MAPK10: variants seen among roughly 807,000 people sequenced by gnomAD.
MAPK10 encodes the protein JNK3 alpha protein kinase.
A neutral mutation model predicts 59.3 loss-of-function variants in MAPK10; 25 were observed. The ratio of observed to expected loss-of-function variants is 0.42; its 90% CI spans 0.31 to 0.59. The LOEUF is 0.59. MAPK10 is among the 20% of genes least tolerant of loss of function. The probability of loss-of-function intolerance (pLI) is 0.15; values close to 1 mark genes in which losing one functional copy is unlikely to be tolerated. For synonymous variants in MAPK10, 190 were observed against 200.5 expected, an observed-to-expected ratio of 0.95 and a Z score of 0.44; for missense variants, 351 against 568.9, an observed-to-expected ratio of 0.62 and a Z score of 3.90.
At position 86,075,660 on chromosome 4, in the gene MAPK10, G is replaced by A. The variant is rs566956959; in HGVS notation, c.803-7705C>T. 6.7e-4 allele frequency among the ~76,000 whole-genome samples: 102 copies of A among 151,938 alleles called. 1 individual carries two copies. Among genetic ancestry groups the A allele is most frequent in the Non-Finnish European group, 1.1e-3 (75 of 68,004 alleles). ...CTGTTGGAATACCCTGCTGTGTGAGGTGGCAGTGTGCCCCTGCTGGGGGAT... is the reference window on the plus strand; with the variant it reads ...CTGTTGGAATACCCTGCTGTGTGAGATGGCAGTGTGCCCCTGCTGGGGGAT... On this transcript the variant is annotated intron_variant, in intron 9 of 13. Transcript: ENST00000641462.
chr4:86,533,321 T>C (rs1262992212), intron 1 of MAPK10, among the ~76,000 whole-genome samples: 1 of 152,104 alleles, frequency 6.6e-6, no homozygotes, highest in African/African-American at 2.4e-5. Context: ...GTTCTGGAGA[T>C]GGATAGCAGT....
intron 1 of MAPK10, among the ~76,000 whole-genome samples, chr4:86,401,158 GAGTC>G (rs1351000807): frequency 6.6e-6 from 1 of 152,070 alleles, no homozygotes; most frequent in Admixed American, 6.6e-5. Context: ...ACTAAATTTT[GAGTC>G]AAAACACAAT....
intron 13 of MAPK10, chr4:86,020,983 A>T (rs1286996002): frequency 6.6e-6 from 1 of 152,116 alleles, no homozygotes. Context: ...CATCCTGCTG[A>T]TTGGTAGAGC....
At chr4:86,444,139 C>T (rs989529095) in intron 1 of MAPK10, among the ~76,000 whole-genome samples, 3 of 151,630 alleles carry the variant, frequency 2.0e-5, no homozygotes, top group East Asian at 1.9e-4. Flanking sequence ...AATAAGAAAG[C>T]GAGAAAGCAA....
intron 1 of MAPK10, among the ~76,000 whole-genome samples, chr4:86,409,284 G>A (rs184745288): frequency 2.6e-5 from 4 of 152,314 alleles, no homozygotes; most frequent in Non-Finnish European, 4.4e-5. Context: ...CAAGTACCAT[G>A]CTGTTTTGGT....
intron 2 of MAPK10, among the ~76,000 whole-genome samples, chr4:86,200,525 A>C (rs1159440998): frequency 6.6e-6 from 1 of 151,956 alleles, no homozygotes; most frequent in East Asian, 1.9e-4. Flanking sequence ...ACAAAAATGT[A>C]CCATAGCTTG....
At chr4:86,379,600 A>T (rs995692439) in intron 1 of MAPK10, among the ~76,000 whole-genome samples, 10 of 152,210 alleles carry the variant, frequency 6.6e-5, no homozygotes, top group Non-Finnish European at 1.5e-4. Context: ...AGGCATTCTT[A>T]AACCACAAAC....
chr4:86,231,474 T>C (rs1219882942), intron 2 of MAPK10, among the ~76,000 whole-genome samples: 1 of 151,588 alleles, frequency 6.6e-6, no homozygotes, highest in Non-Finnish European at 1.5e-5. Context: ...GCCAACATGA[T>C]GAAACCCCGT....
rs1741370529 is a variant in MAPK10 at position 86,010,785 on chromosome 4, G to A, written c.*6443C>T. 6.6e-6 allele frequency: 1 copy of A among 152,200 alleles called. No homozygotes were observed. The highest frequency in any genetic ancestry group is 2.4e-5 in the African/African-American group (1 of 41,458). The allele number at this position is 152,200 out of a possible 1,614,324, so 9.4% of individuals were successfully genotyped here. A position where few individuals can be genotyped will look rare whatever the true frequency, so the allele number is the denominator to read the frequency against. ...GATGGGTTCACAAGTGTTAATGGAA[G>A]GCGAATTATGTGTGGGACAGTCTTC... On this transcript the variant is annotated 3_prime_UTR_variant, in exon 14 of 14. Transcript: ENST00000641462.
intron 2 of MAPK10, among the ~76,000 whole-genome samples, chr4:86,333,887 C>T (rs562605732): frequency 1.3e-5 from 2 of 152,208 alleles, no homozygotes; most frequent in South Asian, 2.1e-4. Context: ...TATGTTTTAA[C>T]TTTTACCACT....
chr4:86,142,259 G>A (rs1359861243), intron 4 of MAPK10, among the ~76,000 whole-genome samples: 5 of 152,182 alleles, frequency 3.3e-5, no homozygotes, highest in Non-Finnish European at 5.9e-5. Context: ...GTATGCTAAT[G>A]TTTATGCATC....
intron 2 of MAPK10, among the ~76,000 whole-genome samples, chr4:86,217,307 A>G (rs12331353): frequency 0.053 from 8,028 of 152,270 alleles, 574 homozygotes; most frequent in African/African-American, 0.16. Flanking sequence ...GAATTGTATT[A>G]ATATAGAGAA....
intron 1 of MAPK10, among the ~76,000 whole-genome samples, chr4:86,551,694 T>C: frequency 6.6e-6 from 1 of 152,016 alleles, no homozygotes; most frequent in Non-Finnish European, 1.5e-5. Flanking sequence ...AACCTCCACC[T>C]CCCAGGTTCA....
intron 4 of MAPK10, among the ~76,000 whole-genome samples, chr4:86,144,790 C>T (rs2064471402): frequency 1.3e-5 from 2 of 152,012 alleles, no homozygotes; most frequent in South Asian, 4.2e-4. Context: ...ATAATTATTG[C>T]CTTGAGTAAT....
chr4:86,294,952 T>C (rs1333162153), intron 2 of MAPK10, among the ~76,000 whole-genome samples: 1 of 152,124 alleles, frequency 6.6e-6, no homozygotes, highest in African/African-American at 2.4e-5. Context: ...ATAGAGTTTG[T>C]CATCTCACCA....
intron 1 of MAPK10, among the ~76,000 whole-genome samples, chr4:86,483,177 C>T (rs1310774642): frequency 6.6e-6 from 1 of 152,158 alleles, no homozygotes; most frequent in Non-Finnish European, 1.5e-5. Flanking sequence ...AACCGTACCC[C>T]TCTAAAAGGA....
intron 1 of MAPK10, among the ~76,000 whole-genome samples, chr4:86,460,821 A>G (rs1425391051): frequency 6.6e-6 from 1 of 152,192 alleles, no homozygotes; most frequent in Admixed American, 6.5e-5. Flanking sequence ...TCCGGTAAGG[A>G]ATACTTTTAG....
chr4:86,131,856 G>A, intron 4 of MAPK10, among the ~76,000 whole-genome samples: 1 of 152,060 alleles, frequency 6.6e-6, no homozygotes, highest in East Asian at 1.9e-4. Flanking sequence ...GAAACACTGA[G>A]AAAACACAGC....
At chr4:86,075,502 GT>G (rs1044299635) in intron 9 of MAPK10, among the ~76,000 whole-genome samples, 9 of 152,108 alleles carry the variant, frequency 5.9e-5, no homozygotes, top group Admixed American at 3.3e-4. Flanking sequence ...TTTCTGTTCT[GT>G]TTTTTCCCCA....
Sources: gnomAD v4.1 joint callset for allele counts (sites outside exome capture counted in the v4.1 genomes callset) on GRCh38, gnomAD v4.1.1 for gene constraint, MANE v1.5 for transcripts, NCBI Gene and HGNC (gene_info 2026-07-23, HGNC 2026-07-21) for gene names.